Variants in CSMD3 observed in about 807,000 individuals in gnomAD.
CSMD3 encodes the protein CUB and Sushi multiple domains 3, also known as CUB and sushi domain-containing protein 3.
In CSMD3, 177 loss-of-function variants were observed where a neutral mutation model predicts 435.2. That is an observed-to-expected ratio of 0.41 (90% CI 0.36 to 0.46). The LOEUF (loss-of-function observed/expected upper bound fraction) is 0.46, where lower values mean the gene tolerates loss of function less well. Among genes scored for constraint, CSMD3 ranks in the 20% least tolerant of loss-of-function variants. The pLI, the probability that CSMD3 is intolerant of heterozygous loss-of-function variation, is 0.34. For synonymous variants in CSMD3, 1,656 were observed against 1,520.5 expected (o/e 1.09, Z -2.07); for missense variants, 4,265 against 4,504.6 (o/e 0.95, Z 1.52).
intron 28 of CSMD3, 72 bp downstream of exon 28, chr8:112,516,962 C>T (rs1356482451): frequency 1.4e-5 from 17 of 1,201,668 alleles, no homozygotes; most frequent in African/African-American, 1.1e-4. Context: ...GAATATGGTT[C>T]TTAAGAACAA....
chr8:113,418,823 T>C (rs2094595194), intron 1 of CSMD3, among the ~76,000 whole-genome samples: 1 of 152,252 alleles, frequency 6.6e-6, no homozygotes, highest in African/African-American at 2.4e-5. Context: ...GAGGTAAAAA[T>C]GTATCAATGG....
intron 1 of CSMD3, among the ~76,000 whole-genome samples, chr8:113,425,206 C>G (rs968326294): frequency 6.6e-6 from 1 of 151,456 alleles, no homozygotes; most frequent in Non-Finnish European, 1.5e-5. Context: ...TAAATTATGT[C>G]AATCCCATAA....
chr8:112,835,403 T>C (rs2079994456), intron 11 of CSMD3, among the ~76,000 whole-genome samples: 1 of 151,928 alleles, frequency 6.6e-6, no homozygotes, highest in Non-Finnish European at 1.5e-5. Context: ...TGTAAAACAC[T>C]GGTCTCAGAA....
At chr8:113,379,921 A>C (rs1404433142) in intron 1 of CSMD3, among the ~76,000 whole-genome samples, 1 of 152,160 alleles carries the variant, frequency 6.6e-6, no homozygotes, top group Non-Finnish European at 1.5e-5. Flanking sequence ...GCTATCTTAC[A>C]GCTCTGCAAG....
At chr8:112,511,744 G>A (rs924793007) in intron 28 of CSMD3, among the ~76,000 whole-genome samples, 2 of 152,160 alleles carry the variant, frequency 1.3e-5, no homozygotes, top group Admixed American at 6.5e-5. Flanking sequence ...CTGGATTTCC[G>A]CGTAGCATGT....
chr8:113,323,199 A>T (rs1177857168), intron 1 of CSMD3, among the ~76,000 whole-genome samples: 1 of 152,172 alleles, frequency 6.6e-6, no homozygotes, highest in Non-Finnish European at 1.5e-5. Flanking sequence ...TTTTTCCCAT[A>T]AGAATGTAAG....
At chr8:112,821,661 C>A (rs2079534022) in intron 12 of CSMD3, among the ~76,000 whole-genome samples, 1 of 152,110 alleles carries the variant, frequency 6.6e-6, no homozygotes, top group African/African-American at 2.4e-5. Context: ...AATTTAGATC[C>A]CATTTGTCAA....
chr8:112,888,187 T>G (rs1028177520), intron 10 of CSMD3, among the ~76,000 whole-genome samples: 1 of 151,656 alleles, frequency 6.6e-6, no homozygotes, highest in Non-Finnish European at 1.5e-5. Flanking sequence ...ATTATGGCCA[T>G]ACACAGAAAC....
chr8:112,585,088 T>G (rs1830618934), intron 23 of CSMD3, among the ~76,000 whole-genome samples: 1 of 151,582 alleles, frequency 6.6e-6, no homozygotes, highest in Non-Finnish European at 1.5e-5. Flanking sequence ...TTACCTCTTA[T>G]TCTGGCAGAG....
At chr8:113,123,781 C>T (rs1013009499) in intron 4 of CSMD3, among the ~76,000 whole-genome samples, 1 of 151,960 alleles carries the variant, frequency 6.6e-6, no homozygotes, top group Admixed American at 6.6e-5. Flanking sequence ...CATACATTTA[C>T]TATCTTAGTG....
At chr8:112,280,372 G>A (rs1818508203) in intron 59 of CSMD3, among the ~76,000 whole-genome samples, 1 of 151,990 alleles carries the variant, frequency 6.6e-6, no homozygotes, top group Non-Finnish European at 1.5e-5. Flanking sequence ...CTGGGCTCAG[G>A]TGATCCTCTC....
chr8:112,394,130 A>G (rs970223499), intron 35 of CSMD3, among the ~76,000 whole-genome samples: 2 of 152,048 alleles, frequency 1.3e-5, no homozygotes, highest in Non-Finnish European at 2.9e-5. Context: ...GATTGTCACC[A>G]CCATTCACTC....
At chr8:113,124,325 A>G (rs1018180137) in intron 4 of CSMD3, among the ~76,000 whole-genome samples, 2 of 151,996 alleles carry the variant, frequency 1.3e-5, no homozygotes, top group Non-Finnish European at 1.5e-5. Context: ...TACATTACTT[A>G]TAGACTCCAT....
intron 32 of CSMD3, among the ~76,000 whole-genome samples, chr8:112,455,123 C>T (rs1816700646): frequency 6.6e-6 from 1 of 151,930 alleles, no homozygotes; most frequent in Admixed American, 6.6e-5. Flanking sequence ...ATTGTTCTAC[C>T]AAAGAGACAC....
chr8:112,470,052 A>G (rs1014852422), intron 32 of CSMD3, among the ~76,000 whole-genome samples: 2 of 152,164 alleles, frequency 1.3e-5, no homozygotes, highest in Non-Finnish European at 2.9e-5. Flanking sequence ...CTGCTTGACC[A>G]TCTGTCATCA....
intron 12 of CSMD3, among the ~76,000 whole-genome samples, chr8:112,823,255 A>G (rs1454975802): frequency 6.6e-6 from 1 of 152,162 alleles, no homozygotes; most frequent in Non-Finnish European, 1.5e-5. Context: ...CTGTGAATCC[A>G]TCTGGTCCTG....
At position 112,950,624 on chromosome 8, in the gene CSMD3, C is replaced by T. The variant is rs540941315; in HGVS notation, c.1421-2747G>A. On this transcript the variant is annotated intron_variant, in intron 8 of 70. Coordinates refer to ENST00000297405, the MANE Select transcript of CSMD3 (RefSeq NM_198123.2). ...TTTATGTGTATTACCCCATTTAGTTCTCACAACCATCTTAGGAGTAGCTAC... is the reference window on the plus strand; with the variant it reads ...TTTATGTGTATTACCCCATTTAGTTTTCACAACCATCTTAGGAGTAGCTAC... Among the ~76,000 whole-genome samples, 3 of 152,008 alleles carry T rather than the reference C, an allele frequency of 2.0e-5. No homozygotes were observed. The East Asian group carries it at 5.8e-4, about 29-fold the overall frequency.
intron 10 of CSMD3, among the ~76,000 whole-genome samples, chr8:112,865,588 C>T (rs945599425): frequency 1.3e-5 from 2 of 151,966 alleles, no homozygotes; most frequent in Non-Finnish European, 2.9e-5. Flanking sequence ...CTATTTTTCT[C>T]ACCTGGCATA....
chr8:113,104,144 T>C (rs2131570579), intron 4 of CSMD3, among the ~76,000 whole-genome samples: 1 of 152,194 alleles, frequency 6.6e-6, no homozygotes, highest in South Asian at 2.1e-4. Flanking sequence ...AATAGCTTAG[T>C]GTTGGGGGTG....
Sources: allele counts gnomAD v4.1 joint callset (sites outside exome capture counted in the v4.1 genomes callset), GRCh38; gene constraint gnomAD v4.1.1; transcripts MANE v1.5; gene names NCBI Gene and HGNC (gene_info 2026-07-23, HGNC 2026-07-21).